Variants in CELF2 observed in about 807,000 individuals in gnomAD.
CELF2 encodes CUGBP Elav-like family member 2.
Under a neutral mutation model 62.6 loss-of-function variants are expected in CELF2, and 8 were observed. The ratio of observed to expected loss-of-function variants is 0.13; its 90% CI spans 0.07 to 0.23. The LOEUF is 0.23. CELF2 is among the 10% of genes least tolerant of loss of function. The pLI is 1.00. For missense variants in CELF2, 333 were observed against 671.0 expected, an observed-to-expected ratio of 0.50 and a Z score of 5.56; for synonymous variants, 258 against 250.0, an observed-to-expected ratio of 1.03 and a Z score of -0.30.
chr10:11,058,591 C>G (rs946701082), intron 1 of CELF2, among the ~76,000 whole-genome samples: 1 of 150,928 alleles, frequency 6.6e-6, no homozygotes, highest in Admixed American at 6.6e-5. Context: ...CTCAGCCTCC[C>G]GAGTAGCTGG....
chr10:10,536,400 T>G, the CELF2 span, among the ~76,000 whole-genome samples: 2 of 152,346 alleles, frequency 1.3e-5, no homozygotes, highest in African/African-American at 4.8e-5. Context: ...ATAAAAACAC[T>G]GGTCACATAA....
rs541045901 is a variant in CELF2 at position 11,044,905 on chromosome 10, G to A, written c.74+26742G>A. ...CACGTATTTGAATTGCACATTCATAGTTTAATTTATTCTTACTGTGCAGCA... is the reference window on the plus strand; with the variant it reads ...CACGTATTTGAATTGCACATTCATAATTTAATTTATTCTTACTGTGCAGCA... On this transcript the variant is annotated intron_variant, in intron 1 of 12. Coordinates refer to ENST00000633077, the MANE Select transcript of CELF2 (RefSeq NM_001326342.2). 3.9e-5 allele frequency among the ~76,000 whole-genome samples: 6 copies of A among 152,184 alleles called. No homozygotes were observed. The South Asian group carries it at 1.2e-3, about 32-fold the overall frequency.
intron 1 of CELF2, among the ~76,000 whole-genome samples, chr10:10,823,130 A>T (rs899292772): frequency 3.3e-5 from 5 of 152,192 alleles, no homozygotes; most frequent in Non-Finnish European, 4.4e-5. Context: ...TTTCTTTTTT[A>T]AAAAATCACA....
chr10:11,063,657 C>T (rs1222510575), intron 1 of CELF2, among the ~76,000 whole-genome samples: 2 of 152,188 alleles, frequency 1.3e-5, no homozygotes, highest in African/African-American at 4.8e-5. Flanking sequence ...AATGTGGCAG[C>T]TGTCTTTAAA....
chr10:11,323,152 A>G (rs1302265031), intron 11 of CELF2, among the ~76,000 whole-genome samples: 1 of 152,098 alleles, frequency 6.6e-6, no homozygotes, highest in African/African-American at 2.4e-5. Flanking sequence ...TTTAGGGGTT[A>G]CTGCTTAGTG....
At chr10:10,640,431 C>T in the CELF2 span, among the ~76,000 whole-genome samples, 28 of 152,310 alleles carry the variant, frequency 1.8e-4, no homozygotes, top group East Asian at 5.2e-3. Context: ...AATTGTTATG[C>T]CCTCCTTGTG....
the CELF2 span, among the ~76,000 whole-genome samples, chr10:10,627,512 C>T: frequency 1.3e-5 from 2 of 152,186 alleles, no homozygotes; most frequent in Admixed American, 1.3e-4. Flanking sequence ...ATTAGAAGTC[C>T]CATTTCTTTC....
intron 3 of CELF2, among the ~76,000 whole-genome samples, chr10:11,225,995 C>T (rs931681903): frequency 1.3e-5 from 2 of 152,174 alleles, no homozygotes; most frequent in Non-Finnish European, 2.9e-5. Flanking sequence ...AATTAGAAGT[C>T]GTCATTTCTA....
intron 1 of CELF2, among the ~76,000 whole-genome samples, chr10:10,846,412 A>G (rs770629254): frequency 6.6e-6 from 1 of 152,168 alleles, no homozygotes; most frequent in Non-Finnish European, 1.5e-5. Context: ...AGCCCGAGGA[A>G]TCCACTGGTG....
rs541614041 is a variant in CELF2, at chr10:10,995,259, T to C, written c.89+75260T>C. ...GTGGCTCATGTAGCTCGTCACATTT[T>C]TTATTTTTATTTTTTGAAACTGGGA... On this transcript the variant is annotated intron_variant, in intron 2 of 13. Transcript: ENST00000636488. The surrounding 1 kb of genome is among the most constrained non-coding windows in gnomAD (Gnocchi z 4.7). Among the ~76,000 whole-genome samples the C allele has an allele frequency of 6.6e-6, 1 of 152,350 alleles. No individual in the cohort carries two copies. The highest frequency in any genetic ancestry group is 2.1e-4 in the South Asian group (1 of 4,822).
chr10:11,136,658 C>T (rs971527235), intron 1 of CELF2, among the ~76,000 whole-genome samples: 2 of 152,088 alleles, frequency 1.3e-5, no homozygotes, highest in Non-Finnish European at 2.9e-5. Flanking sequence ...CGAAGTTAAA[C>T]GATAGCAGAC....
At chr10:11,082,916 A>G (rs775292803) in intron 1 of CELF2, among the ~76,000 whole-genome samples, 2 of 152,190 alleles carry the variant, frequency 1.3e-5, no homozygotes, top group Admixed American at 1.3e-4. Flanking sequence ...TTGGTGTGTA[A>G]TGATTAGCTG....
chr10:11,275,394 A>G (rs2243516), intron 8 of CELF2, among the ~76,000 whole-genome samples: 54,240 of 152,138 alleles, frequency 0.36, 10,749 homozygotes, highest in East Asian at 0.77. Context: ...GATTATATCA[A>G]CGACTCTCTA....
At chr10:10,758,601 G>A in the CELF2 span, among the ~76,000 whole-genome samples, 2 of 152,172 alleles carry the variant, frequency 1.3e-5, no homozygotes, top group Non-Finnish European at 2.9e-5. Context: ...TCTCAAGGCT[G>A]GATACTGAGA....
intron 4 of CELF2, among the ~76,000 whole-genome samples, chr10:11,254,496 T>C (rs2252413): frequency 0.033 from 5,069 of 152,326 alleles, 231 homozygotes; most frequent in African/African-American, 0.1. Flanking sequence ...GAGTTGACCT[T>C]GAGTGATGGC....
At chr10:10,493,760 G>T in the CELF2 span, among the ~76,000 whole-genome samples, 1 of 152,052 alleles carries the variant, frequency 6.6e-6, no homozygotes, top group Admixed American at 6.6e-5. Flanking sequence ...TCAAACTCCC[G>T]ACCTCAAGTG....
chr10:10,915,261 A>T (rs2064219496), intron 1 of CELF2, among the ~76,000 whole-genome samples: 1 of 152,196 alleles, frequency 6.6e-6, no homozygotes, highest in Non-Finnish European at 1.5e-5. Flanking sequence ...TATATCAGGC[A>T]TTTTTTAAAA....
chr10:10,493,517 G>T, the CELF2 span, among the ~76,000 whole-genome samples: 1 of 27,876 alleles, frequency 3.6e-5, no homozygotes, highest in Non-Finnish European at 7.0e-5. Context: ...TTGGATTTTG[G>T]GCGTTTTTTT....
chr10:10,797,515 T>C (rs2054216139), upstream of CELF2, among the ~76,000 whole-genome samples: 1 of 152,194 alleles, frequency 6.6e-6, no homozygotes, highest in Admixed American at 6.5e-5. Flanking sequence ...TGAAGCTGAT[T>C]TTCCATTTAT....
Sources: gnomAD v4.1 joint callset for allele counts (sites outside exome capture counted in the v4.1 genomes callset) on GRCh38, gnomAD v4.1.1 for gene constraint, Gnocchi (gnomAD v3.1) non-coding constraint, MANE v1.5 for transcripts, NCBI Gene and HGNC (gene_info 2026-07-23, HGNC 2026-07-21) for gene names.